The following SEC13 variants were observed in gnomAD, a reference collection of about 807,000 sequenced individuals.
The protein encoded by SEC13 is protein SEC13 homolog.
SEC13 carries 25 observed loss-of-function variants against 49.2 expected under a neutral mutation model. The ratio of observed to expected loss-of-function variants is 0.51; its 90% CI spans 0.37 to 0.71. The LOEUF (loss-of-function observed/expected upper bound fraction) is 0.71. Ranked by LOEUF, SEC13 falls within the 30% of genes least tolerant of loss-of-function variation. SEC13 has a pLI of 0.00. For missense variants in SEC13, 383 were observed against 417.6 expected (o/e 0.92, Z 0.72); for synonymous variants, 148 against 163.9 (o/e 0.90, Z 0.74).
In SEC13 at chr3:10,312,588, C is replaced by G; in HGVS notation, c.307G>C (p.Asp103His). The part of the protein sequence containing the change: ...WEKSHEHAGH[D>H]SSVNSVCWAP... ...GCCAAGCTCAGCATACCTGAGGAGT[C>G]GTGTCCCGCATGCTCGTGGCTCTTC... Residue 103 changes from aspartate (D) to histidine (H), a missense_variant, in exon 4 of 9, where the codon GAC becomes CAC. By Grantham distance (81) the Asp-to-His change is moderately conservative. Transcript: ENST00000350697. 6.2e-7 allele frequency: 1 copy of G among 1,614,136 alleles called. No individual in the cohort carries two copies. The highest frequency in any genetic ancestry group is 8.5e-7 in the Non-Finnish European group (1 of 1,179,990).
In SEC13 at chr3:10,321,085, G is replaced by T; in HGVS notation, c.-33C>A. 1.2e-6 allele frequency: 2 copies of T among 1,612,592 alleles called. No individual in the cohort carries two copies. The highest frequency in any genetic ancestry group is 1.3e-5 in the African/African-American group (1 of 74,826). On this transcript the variant is annotated 5_prime_UTR_variant, in exon 1 of 9. Transcript: ENST00000350697. This position sits in a 1 kb window ranked among gnomAD's most constrained non-coding sequence, Gnocchi z 4.1. ...GCGGTGGCTGCTCCAGGTCTCGGAC[G>T]TGGCAGCTCCCGGCGGCGCCTCGGA... is the stretch of plus-strand genomic sequence containing the variant.
At chr3:10,313,311 A>AG in intron 3 of SEC13, 1 of 404,744 alleles carries the variant, frequency 2.5e-6, no homozygotes. Flanking sequence ...TCTCTGGCCC[A>AG]GGGAAGGTTT....
intron 5 of SEC13, among the ~76,000 whole-genome samples, chr3:10,306,973 G>A (rs138400712): frequency 5.3e-4 from 81 of 152,190 alleles, no homozygotes; most frequent in African/African-American, 2.0e-3. Context: ...AGGAAAGGCT[G>A]GATAAACGCT....
chr3:10,319,395 G>T, intron 1 of SEC13: 1 of 1,058,546 alleles, frequency 9.4e-7, no homozygotes, highest in Non-Finnish European at 1.3e-6. Flanking sequence ...CAGGAAGGCG[G>T]GGAGGGCAGG....
At chr3:10,303,125 T>A (rs1051853413) in intron 8 of SEC13, among the ~76,000 whole-genome samples, 7 of 152,192 alleles carry the variant, frequency 4.6e-5, no homozygotes, top group Admixed American at 2.0e-4. Context: ...CTGCCTTGCC[T>A]GTGTTGGTTG....
intron 5 of SEC13, among the ~76,000 whole-genome samples, chr3:10,309,022 C>G (rs1701079776): frequency 6.8e-6 from 1 of 147,848 alleles, no homozygotes; most frequent in Non-Finnish European, 1.5e-5. Context: ...TCTGCAACCT[C>G]TGACTCCCGG....
intron 8 of SEC13, among the ~76,000 whole-genome samples, 177 bp from the exon 9 acceptor site, chr3:10,301,551 GAAA>G (rs972752947): frequency 6.6e-6 from 1 of 152,056 alleles, no homozygotes; most frequent in South Asian, 2.1e-4. Flanking sequence ...AAAACTCACA[GAAA>G]AAAAGGAGTA....
intron 1 of SEC13, among the ~76,000 whole-genome samples, chr3:10,319,788 GAGAGAGAA>G (rs199901270): frequency 1.2e-4 from 2 of 17,072 alleles, no homozygotes; most frequent in Non-Finnish European, 2.6e-4. Flanking sequence ...GAGAGAGAGA[GAGAGAGAA>G]GGCGGGGGGG....
At chr3:10,319,728 C>A (rs1199127186) in intron 1 of SEC13, among the ~76,000 whole-genome samples, 1 of 139,250 alleles carries the variant, frequency 7.2e-6, no homozygotes, top group African/African-American at 2.7e-5. Flanking sequence ...CACTCTCACC[C>A]ACCAGTCAGG....
At chr3:10,313,189 T>C in intron 3 of SEC13, 2 of 219,782 alleles carry the variant, frequency 9.1e-6, no homozygotes, top group Admixed American at 4.6e-5. Context: ...ACTACTCTTT[T>C]AATTTGTTCG....
At chr3:10,316,633 C>T (rs1177184187) in intron 2 of SEC13, among the ~76,000 whole-genome samples, 2 of 152,180 alleles carry the variant, frequency 1.3e-5, no homozygotes, top group Non-Finnish European at 2.9e-5. Context: ...TTATTATTTA[C>T]CAACATCCTA....
intron 8 of SEC13, chr3:10,303,710 A>T: frequency 2.4e-6 from 1 of 424,306 alleles, no homozygotes; most frequent in Non-Finnish European, 4.4e-6. Flanking sequence ...CAGCTAACTG[A>T]ACATCACCAT....
chr3:10,305,266 T>C, intron 6 of SEC13, 110 bp from the exon 7 acceptor site: 2 of 1,436,658 alleles, frequency 1.4e-6, no homozygotes, highest in South Asian at 1.4e-5. Context: ...ATCTTTCTTC[T>C]TTCATTCATG....
At chr3:10,320,685 T>C (rs562729019) in intron 1 of SEC13, 42 of 1,113,984 alleles carry the variant, frequency 3.8e-5, no homozygotes, top group Middle Eastern at 3.8e-4. Context: ...TTGAGAAGAA[T>C]AGCACCTTCT....
chr3:10,313,111 T>C (rs751970994), intron 3 of SEC13: 33 of 237,058 alleles, frequency 1.4e-4, no homozygotes, highest in Non-Finnish European at 2.2e-4. Context: ...GTAGACTGAA[T>C]TGCTATTCAT....
chr3:10,310,337 A>C (rs1701173346), intron 5 of SEC13, among the ~76,000 whole-genome samples: 1 of 152,138 alleles, frequency 6.6e-6, no homozygotes, highest in Non-Finnish European at 1.5e-5. Context: ...CTACAAATAC[A>C]AAAATTAGCC....
intron 1 of SEC13, 24 bp from the exon 2 acceptor site, chr3:10,318,118 A>T (rs1420215639): frequency 1.3e-6 from 2 of 1,546,866 alleles, no homozygotes; most frequent in Admixed American, 3.3e-5. Context: ...TATCACTGGT[A>T]AATTAACTCA....
At position 10,301,232 on chromosome 3, in the gene SEC13, G is replaced by A. The variant is rs761225857; in HGVS notation, c.*29C>T. Reference sequence around the variant, plus strand: ...AGGAAGGGGCAGTCCTGGAGCTGGCGGGTGGGGAGCCAGGCCCCACCTGTC... The same window carrying A: ...AGGAAGGGGCAGTCCTGGAGCTGGCAGGTGGGGAGCCAGGCCCCACCTGTC... On this transcript the variant is annotated 3_prime_UTR_variant, in exon 9 of 9. Coordinates refer to ENST00000350697, the MANE Select transcript of SEC13 (RefSeq NM_183352.3). 2.5e-5 allele frequency: 41 copies of A among 1,613,990 alleles called. No individual in the cohort carries two copies. The highest frequency in any genetic ancestry group is 8.9e-5 in the East Asian group (4 of 44,886).
chr3:10,301,951 A>AG (rs964899896), intron 8 of SEC13, among the ~76,000 whole-genome samples: 21 of 152,276 alleles, frequency 1.4e-4, no homozygotes, highest in African/African-American at 5.1e-4. Flanking sequence ...ATTAAAAAAA[A>AG]TCAGTCTAGG....
Sources: allele counts gnomAD v4.1 joint callset (sites outside exome capture counted in the v4.1 genomes callset), GRCh38; gene constraint gnomAD v4.1.1; non-coding constraint Gnocchi (gnomAD v3.1); transcripts MANE v1.5; gene names NCBI Gene and HGNC (gene_info 2026-07-23, HGNC 2026-07-21).